FLT3: variants seen among roughly 807,000 people sequenced by gnomAD.
FLT3 encodes the protein fms related receptor tyrosine kinase 3.
Under a neutral mutation model 126.6 loss-of-function variants are expected in FLT3, and 46 were observed. The observed-to-expected ratio is 0.36, with a 90% confidence interval of 0.29 to 0.46. The LOEUF is 0.46. Among genes scored for constraint, FLT3 ranks in the 20% least tolerant of loss-of-function variants. The probability of loss-of-function intolerance (pLI) is 1.00; values close to 1 mark genes in which losing one functional copy is unlikely to be tolerated. For synonymous variants in FLT3, 404 were observed against 434.4 expected, an observed-to-expected ratio of 0.93 and a Z score of 0.87; for missense variants, 1,069 against 1,190.3, an observed-to-expected ratio of 0.90 and a Z score of 1.50.
chr13:28,018,857 G>C (rs973966347), intron 19 of FLT3, among the ~76,000 whole-genome samples: 3 of 152,192 alleles, frequency 2.0e-5, no homozygotes, highest in Non-Finnish European at 4.4e-5. Flanking sequence ...TGCAGATTCC[G>C]AGCAAAAGTG....
At chr13:28,010,276 G>C (rs1871246138) in intron 23 of FLT3, among the ~76,000 whole-genome samples, 1 of 152,150 alleles carries the variant, frequency 6.6e-6, no homozygotes, top group African/African-American at 2.4e-5. Context: ...TACCCCATGG[G>C]GTGTAAAGAT....
intron 23 of FLT3, among the ~76,000 whole-genome samples, chr13:28,007,258 C>A (rs889196101): frequency 6.6e-6 from 1 of 151,166 alleles, no homozygotes; most frequent in Non-Finnish European, 1.5e-5. Flanking sequence ...GTGCTTTTTT[C>A]TTTTTCAAGA....
intron 3 of FLT3, 140 bp from the exon 4 acceptor site, chr13:28,057,602 CT>C: frequency 1.6e-6 from 1 of 616,196 alleles, no homozygotes. Context: ...AACACAGCTT[CT>C]GTCATGTGCC....
At chr13:28,077,083 GAAAGAAAAAGAGAA>G (rs1299932720) in intron 1 of FLT3, among the ~76,000 whole-genome samples, 2 of 18,562 alleles carry the variant, frequency 1.1e-4, no homozygotes, top group Non-Finnish European at 1.8e-4. Context: ...AAGAAAGAAA[GAAAGAAAAAGAGAA>G]AAAGAAAGAG....
intron 9 of FLT3, among the ~76,000 whole-genome samples, chr13:28,047,585 A>G (rs1874999394): frequency 6.6e-6 from 1 of 151,846 alleles, no homozygotes; most frequent in Non-Finnish European, 1.5e-5. Context: ...GGTGGTGTGC[A>G]CCTGTGGTAC....
intron 23 of FLT3, among the ~76,000 whole-genome samples, chr13:28,011,826 C>T (rs1871416350): frequency 6.6e-6 from 1 of 150,590 alleles, no homozygotes; most frequent in Non-Finnish European, 1.5e-5. Context: ...GAGATAGAGT[C>T]TCACTGTGTC....
intron 15 of FLT3, among the ~76,000 whole-genome samples, chr13:28,032,845 T>C (rs1031041126): frequency 7.9e-5 from 12 of 152,120 alleles, no homozygotes; most frequent in African/African-American, 2.9e-4. Context: ...AATCAAGTAA[T>C]GAGGACTGAA....
chr13:28,074,086 C>G (rs971457560), intron 1 of FLT3, among the ~76,000 whole-genome samples: 1 of 152,194 alleles, frequency 6.6e-6, no homozygotes, highest in African/African-American at 2.4e-5. Context: ...CAAGCCACCT[C>G]TGATCTATTT....
chr13:28,079,749 G>A (rs565042937), intron 1 of FLT3, among the ~76,000 whole-genome samples: 3 of 152,188 alleles, frequency 2.0e-5, no homozygotes, highest in African/African-American at 7.2e-5. Context: ...AGGATAGCAC[G>A]GGAAAGACCA....
intron 9 of FLT3, among the ~76,000 whole-genome samples, chr13:28,047,077 G>T (rs1437469945): frequency 6.6e-6 from 1 of 152,040 alleles, no homozygotes; most frequent in Non-Finnish European, 1.5e-5. Flanking sequence ...CCTGTGATAG[G>T]AATCACCAAA....
At chr13:28,048,712 C>A (rs924172925) in intron 8 of FLT3, among the ~76,000 whole-genome samples, 1 of 152,112 alleles carries the variant, frequency 6.6e-6, no homozygotes. Context: ...GACTGTCTGG[C>A]CCCTGCTCTC....
chr13:28,023,291 T>C (rs1872552817), intron 19 of FLT3, 59 bp downstream of exon 19: 3 of 1,536,052 alleles, frequency 2.0e-6, no homozygotes, highest in African/African-American at 1.4e-5. Flanking sequence ...AGAAAACATA[T>C]ATAAGCACAT....
chr13:28,037,422 C>T lies in FLT3; in HGVS notation c.1206-134G>A, dbSNP rs1019213101. 7 of 638,606 alleles carry T rather than the reference C, an allele frequency of 1.1e-5. No homozygotes were observed. In the Admixed American group the frequency reaches 1.8e-4, roughly 17 times the overall value. 39.6% of individuals were successfully genotyped at this position (638,606 alleles called of 1,614,324 possible). A position where few individuals can be genotyped will look rare whatever the true frequency, so the allele number is the denominator to read the frequency against. On this transcript the variant is annotated intron_variant, in intron 9 of 23. Coordinates refer to ENST00000241453, the MANE Select transcript of FLT3 (RefSeq NM_004119.3). ...TAAAGTTCACTGGAAAAGGAAATGT[C>T]CATATTGTAGACCCTTGCTACTCAA...
At chr13:28,026,973 A>G in intron 17 of FLT3, 115 bp downstream of exon 17, 1 of 822,642 alleles carries the variant, frequency 1.2e-6, no homozygotes, top group East Asian at 2.4e-5. Context: ...TCTAGGTTGC[A>G]GGACCCACAG....
At chr13:28,040,996 A>G (rs7328200) in intron 9 of FLT3, among the ~76,000 whole-genome samples, 113,848 of 151,338 alleles carry the variant, frequency 0.75, 42,951 homozygotes, top group East Asian at 0.87. Flanking sequence ...AGCATTGAAT[A>G]AGGTGTTTAA....
intron 2 of FLT3, among the ~76,000 whole-genome samples, chr13:28,063,667 C>A (rs1026823538): frequency 7.4e-6 from 1 of 134,734 alleles, no homozygotes; most frequent in Non-Finnish European, 1.6e-5. Flanking sequence ...CAGTCAAAAA[C>A]CATATTTCTG....
At chr13:28,038,718 G>C (rs555755595) in intron 9 of FLT3, among the ~76,000 whole-genome samples, 1 of 152,084 alleles carries the variant, frequency 6.6e-6, no homozygotes, top group African/African-American at 2.4e-5. Context: ...CTCCCAAAGC[G>C]CTGGGATTAC....
At chr13:28,089,675 G>A (rs1229975254) in intron 1 of FLT3, among the ~76,000 whole-genome samples, 1 of 151,862 alleles carries the variant, frequency 6.6e-6, no homozygotes, top group Admixed American at 6.6e-5. Flanking sequence ...ACAGGAAAGA[G>A]AGTACTGGTT....
Position 28,014,556 on chromosome 13 carries a change from A to G in FLT3, c.2755T>C (p.Tyr919His). 6.2e-7 allele frequency: 1 copy of G among 1,606,788 alleles called. No individual in the cohort carries two copies. The highest frequency in any genetic ancestry group is 8.5e-7 in the Non-Finnish European group (1 of 1,173,432). The part of the protein sequence containing the change: ...DQPFYATEEI[Y>H]IIMQSCWAFD... Reference sequence around the variant, plus strand: ...GCCCAGCAGGATTGCATTATAATGTATCTGTAAAAGCAATAGAACAAGGAA... The same window carrying G: ...GCCCAGCAGGATTGCATTATAATGTGTCTGTAAAAGCAATAGAACAAGGAA... Residue 919 changes from tyrosine (Y) to histidine (H), a missense_variant and splice_region_variant, in exon 23 of 24, where the codon TAC becomes CAC. By Grantham distance (83) the Tyr-to-His change is moderately conservative. Coordinates refer to ENST00000241453, the MANE Select transcript of FLT3 (RefSeq NM_004119.3).
Sources: allele counts gnomAD v4.1 joint callset (sites outside exome capture counted in the v4.1 genomes callset), GRCh38; gene constraint gnomAD v4.1.1; transcripts MANE v1.5; gene names NCBI Gene and HGNC (gene_info 2026-07-23, HGNC 2026-07-21).